GRID2: variants seen among roughly 807,000 people sequenced by gnomAD.
The protein encoded by GRID2 is glutamate receptor ionotropic, delta-2.
A neutral mutation model predicts 114.8 loss-of-function variants in GRID2; 33 were observed. The ratio of observed to expected loss-of-function variants is 0.29; its 90% confidence interval spans 0.22 to 0.38. The LOEUF (loss-of-function observed/expected upper bound fraction) is 0.38, where lower values mean the gene tolerates loss of function less well. GRID2 is among the 10% of genes least tolerant of loss of function. GRID2 has a pLI of 1.00. For synonymous variants in GRID2, 505 were observed against 449.9 expected, an observed-to-expected ratio of 1.12 and a Z score of -1.55; for missense variants, 1,184 against 1,257.7, an observed-to-expected ratio of 0.94 and a Z score of 0.89.
intron 14 of GRID2, among the ~76,000 whole-genome samples, chr4:93,754,560 T>A (rs1310721388): frequency 6.6e-6 from 1 of 152,180 alleles, no homozygotes; most frequent in Non-Finnish European, 1.5e-5. Flanking sequence ...TAGAAACAAA[T>A]AGACAGAGTG....
chr4:93,666,058 G>C (rs1338096198), intron 14 of GRID2, among the ~76,000 whole-genome samples: 2 of 152,038 alleles, frequency 1.3e-5, no homozygotes, highest in Non-Finnish European at 2.9e-5. Context: ...ACAATAACTG[G>C]TTTAGGTTTT....
chr4:92,388,517 A>C (rs1730087289), intron 1 of GRID2, among the ~76,000 whole-genome samples: 1 of 151,890 alleles, frequency 6.6e-6, no homozygotes, highest in Admixed American at 6.6e-5. Flanking sequence ...AGTCTACATA[A>C]TCATGCCCCA....
At chr4:93,660,064 T>A (rs1723352362) in intron 14 of GRID2, among the ~76,000 whole-genome samples, 2 of 152,032 alleles carry the variant, frequency 1.3e-5, no homozygotes, top group South Asian at 4.1e-4. Flanking sequence ...AAAAAAAAAT[T>A]TTTATAGAAG....
At chr4:93,584,227 A>G (rs1012881716) in intron 13 of GRID2, among the ~76,000 whole-genome samples, 10 of 152,164 alleles carry the variant, frequency 6.6e-5, no homozygotes, top group Admixed American at 1.3e-4. Context: ...GCTCTCTTAT[A>G]ACATAACTTT....
chr4:92,671,608 A>G (rs961726833), intron 2 of GRID2, among the ~76,000 whole-genome samples: 1 of 152,250 alleles, frequency 6.6e-6, no homozygotes, highest in South Asian at 2.1e-4. Flanking sequence ...GGAGTCAAGT[A>G]TAAGAAATAA....
At chr4:93,164,811 G>A (rs923956322) in intron 4 of GRID2, 3 of 379,192 alleles carry the variant, frequency 7.9e-6, no homozygotes, top group Non-Finnish European at 1.7e-5. Context: ...AGACACTTAC[G>A]TGACAATTGG....
At position 93,772,164 on chromosome 4, in the gene GRID2, C is replaced by A; in HGVS notation, c.2690C>A (p.Thr897Asn). 1 of 1,613,270 alleles carries A rather than the reference C, an allele frequency of 6.2e-7. No homozygotes were observed. The highest frequency in any genetic ancestry group is 1.3e-5 in the African/African-American group (1 of 74,966). ...GACAGCCCCCATAAACAGTTTTCCACCTCGTCAATTGATTTGACCCCTCTG... is the reference window on the plus strand; with the variant it reads ...GACAGCCCCCATAAACAGTTTTCCAACTCGTCAATTGATTTGACCCCTCTG... Reference protein sequence around the residue: ...DDDSPHKQFSTSSIDLTPLDI... With the variant: ...DDDSPHKQFSNSSIDLTPLDI... The change falls in exon 16 of 16, where the codon ACC (threonine) becomes AAC (asparagine). Residue 897 changes from threonine to asparagine, a missense_variant. Thr to Asn is a moderately conservative substitution (Grantham distance 65, BLOSUM62 0). This residue lies in a region of GRID2 where 717 missense variants were observed against 796.9 expected (regional missense o/e 0.90). Transcript: ENST00000282020.
chr4:92,760,928 AC>A (rs1393616025), intron 2 of GRID2, among the ~76,000 whole-genome samples: 4 of 152,200 alleles, frequency 2.6e-5, no homozygotes, highest in Admixed American at 6.5e-5. Context: ...ACAGGTTACC[AC>A]AGTAATATGA....
chr4:92,940,423 C>T (rs576544414), intron 2 of GRID2, among the ~76,000 whole-genome samples: 26 of 150,268 alleles, frequency 1.7e-4, no homozygotes, highest in Non-Finnish European at 3.4e-4. Context: ...AGTTTGTATC[C>T]TGAGACTTTG....
chr4:92,478,601 G>T (rs775080224), intron 1 of GRID2, among the ~76,000 whole-genome samples: 1 of 152,040 alleles, frequency 6.6e-6, no homozygotes, highest in Non-Finnish European at 1.5e-5. Flanking sequence ...TTGAAAACAA[G>T]TTCTTTAGGA....
chr4:92,714,338 G>T (rs1002911523), intron 2 of GRID2, among the ~76,000 whole-genome samples: 4 of 152,190 alleles, frequency 2.6e-5, no homozygotes, highest in African/African-American at 9.7e-5. Flanking sequence ...ACATGGTACA[G>T]CCTCCCTCTC....
chr4:92,822,094 T>C (rs751554641), intron 2 of GRID2: 39 of 319,610 alleles, frequency 1.2e-4, no homozygotes, highest in Non-Finnish European at 2.2e-4. Context: ...TCTGCCTTGC[T>C]GCAGATTCCG....
intron 1 of GRID2, among the ~76,000 whole-genome samples, chr4:92,470,495 G>A (rs1411601896): frequency 6.6e-6 from 1 of 151,732 alleles, no homozygotes; most frequent in East Asian, 1.9e-4. Flanking sequence ...AAAAGAGGTA[G>A]AATTTTATTT....
chr4:93,388,055 A>G (rs1298528872), intron 8 of GRID2, among the ~76,000 whole-genome samples: 1 of 152,086 alleles, frequency 6.6e-6, no homozygotes, highest in East Asian at 1.9e-4. Flanking sequence ...ATCATACAAA[A>G]TATATATTTA....
intron 11 of GRID2, among the ~76,000 whole-genome samples, chr4:93,469,945 A>G (rs1452954671): frequency 6.6e-6 from 1 of 152,128 alleles, no homozygotes; most frequent in African/African-American, 2.4e-5. Context: ...TCCTCCAAAT[A>G]CAGAAAAAGG....
At chr4:92,647,196 G>A (rs1456632440) in intron 2 of GRID2, among the ~76,000 whole-genome samples, 4 of 152,160 alleles carry the variant, frequency 2.6e-5, no homozygotes, top group African/African-American at 9.7e-5. Context: ...TCATGATAGT[G>A]TCTGCTGATA....
At chr4:92,924,216 A>G (rs925089836) in intron 2 of GRID2, among the ~76,000 whole-genome samples, 3 of 152,114 alleles carry the variant, frequency 2.0e-5, no homozygotes, top group African/African-American at 7.2e-5. Flanking sequence ...ACATGGACAC[A>G]GGAAGGGGAA....
intron 2 of GRID2, among the ~76,000 whole-genome samples, chr4:92,805,029 A>G (rs963844811): frequency 1.3e-5 from 2 of 152,004 alleles, no homozygotes; most frequent in Admixed American, 6.6e-5. Flanking sequence ...GGCCAAAGCT[A>G]TCCTAAGCTT....
intron 4 of GRID2, among the ~76,000 whole-genome samples, chr4:93,125,348 GA>G (rs1463122733): frequency 1.3e-5 from 2 of 151,700 alleles, no homozygotes; most frequent in East Asian, 1.9e-4. Flanking sequence ...TAGAAGTTTT[GA>G]AAAAGCAAAT....
Sources: allele counts gnomAD v4.1 joint callset (sites outside exome capture counted in the v4.1 genomes callset), GRCh38; gene constraint gnomAD v4.1.1; regional missense constraint gnomAD v4.1.1; transcripts MANE v1.5; gene names NCBI Gene and HGNC (gene_info 2026-07-23, HGNC 2026-07-21).